Variants in FAM181A observed in about 807,000 individuals in gnomAD.
FAM181A encodes protein FAM181A.
FAM181A carries 7 observed loss-of-function variants against 16.3 expected under a neutral mutation model. That is an observed-to-expected ratio of 0.43 (90% CI 0.24 to 0.81). The LOEUF is 0.81. Among genes scored for constraint, FAM181A ranks in the 30% least tolerant of loss-of-function variants. The pLI is 0.24. For synonymous variants in FAM181A, 183 were observed against 164.9 expected (o/e 1.11, Z -0.84); for missense variants, 349 against 377.5 (o/e 0.92, Z 0.63).
At chr14:93,922,278 G>A (rs552663529) in intron 1 of FAM181A, 1 of 152,220 alleles carries the variant, frequency 6.6e-6, no homozygotes, top group South Asian at 2.1e-4. Context: ...TAACTCACAA[G>A]GTGACACGCT....
chr14:93,921,120 G>A (rs1198536076), intron 1 of FAM181A, among the ~76,000 whole-genome samples: 1 of 152,202 alleles, frequency 6.6e-6, no homozygotes, highest in Non-Finnish European at 1.5e-5. Context: ...GCAGCACAGA[G>A]GTCAAGCATT....
intron 1 of FAM181A, among the ~76,000 whole-genome samples, chr14:93,920,203 C>T (rs557683767): frequency 6.6e-6 from 1 of 152,072 alleles, no homozygotes; most frequent in South Asian, 2.1e-4. Context: ...AGCTTGAGCT[C>T]AGGGGTTTGA....
At chr14:93,919,002 G>A (rs920094906) in intron 1 of FAM181A, 1 of 152,340 alleles carries the variant, frequency 6.6e-6, no homozygotes, top group Non-Finnish European at 1.5e-5. Flanking sequence ...AAGGTGATGG[G>A]TGTGTGGGGG....
At chr14:93,926,620 A>G (rs1054050626), upstream of FAM181A, among the ~76,000 whole-genome samples, 1 of 152,220 alleles carries the variant, frequency 6.6e-6, no homozygotes, top group Non-Finnish European at 1.5e-5. This position sits in a 1 kb window ranked among gnomAD's most constrained non-coding sequence, Gnocchi z 5.2. Flanking sequence ...GTGCAGCTCA[A>G]TTGAGGAAGC....
upstream of FAM181A, among the ~76,000 whole-genome samples, chr14:93,924,175 C>A (rs995378816): frequency 2.0e-5 from 3 of 152,162 alleles, no homozygotes; most frequent in Non-Finnish European, 4.4e-5. Context: ...TTACAAAGGG[C>A]CTTCTGCATT....
At chr14:93,925,154 G>C (rs1887853842), upstream of FAM181A, 2 of 911,070 alleles carry the variant, frequency 2.2e-6, no homozygotes, top group Non-Finnish European at 3.4e-6. Context: ...CTTACTACTG[G>C]CTAAGAAAGG....
upstream of FAM181A, chr14:93,927,106 G>C (rs148988134): frequency 9.5e-3 from 1,910 of 201,662 alleles, 25 homozygotes; most frequent in Non-Finnish European, 0.014. Context: ...AGGGGAGGAG[G>C]GGGGTGGAGG....
At chr14:93,923,450 T>C (rs1193061200), upstream of FAM181A, 1 of 152,262 alleles carries the variant, frequency 6.6e-6, no homozygotes, top group Non-Finnish European at 1.5e-5. Context: ...AAGTAGATGG[T>C]GTCTGTTGAC....
chr14:93,927,541 G>T, intron 1 of FAM181A, 87 bp downstream of exon 1: 1 of 1,284,518 alleles, frequency 7.8e-7, no homozygotes, highest in Non-Finnish European at 1.0e-6. Flanking sequence ...GAGGTGCCGT[G>T]GGTGGCGGCC....
Position 93,928,594 on chromosome 14 carries a change from CT to C in FAM181A, c.310del (p.Tyr104ThrfsTer27). On this transcript the variant is annotated frameshift_variant, in exon 2 of 2. Transcript: ENST00000556222. LOFTEE classifies it high-confidence loss of function. ...GCAAGGAGAAGGTGCTGAGGAACCCCTACAGGGAGGAATGTCTTGCTAAGGA... is the reference window on the plus strand; with the variant it reads ...GCAAGGAGAAGGTGCTGAGGAACCCCACAGGGAGGAATGTCTTGCTAAGGA... ...GCKEKVLRNPYREECLAKEQL... is the reference protein window; with the variant it reads ...GCKEKVLRNPXREECLAKEQL... 6.2e-7 allele frequency: 1 copy of C among 1,613,888 alleles called. No individual in the cohort carries two copies. Among genetic ancestry groups the C allele is most frequent in the Non-Finnish European group, 8.5e-7 (1 of 1,179,964 alleles).
chr14:93,920,528 G>A (rs1222240693), intron 1 of FAM181A, among the ~76,000 whole-genome samples: 1 of 152,128 alleles, frequency 6.6e-6, no homozygotes, highest in Non-Finnish European at 1.5e-5. Flanking sequence ...AATAGTAAAT[G>A]TTATGATGTT....
chr14:93,928,207 G>A lies in FAM181A; in HGVS notation c.-79G>A, dbSNP rs750747760. On this transcript the variant is annotated 5_prime_UTR_variant, in exon 2 of 2. Coordinates refer to ENST00000556222, the MANE Select transcript of FAM181A (RefSeq NM_001207073.2). ...CCTGTTTTGTCCCCCAGGTCAGCTC[G>A]GTGCCCTTCCTTGGAGCTGCCGGCC... The A allele has an allele frequency of 1.1e-5, 17 of 1,612,786 alleles. No individual in the cohort carries two copies. In the Admixed American group the frequency reaches 1.2e-4, roughly 11 times the overall value.
chr14:93,924,033 T>A (rs1305749051), upstream of FAM181A: 1 of 152,024 alleles, frequency 6.6e-6, no homozygotes, highest in Non-Finnish European at 1.5e-5. Flanking sequence ...AGACAAAATT[T>A]AAAAAAATAA....
chr14:93,929,222 A>C lies in FAM181A; in HGVS notation c.*58A>C. On this transcript the variant is annotated 3_prime_UTR_variant, in exon 2 of 2. Transcript: ENST00000556222. ...GCCTGCAGGAGTGTCGAGGTCCCCG[A>C]GGCGCTCTCCTGTGAGGAGGTGGCT... 6.7e-7 allele frequency: 1 copy of C among 1,496,048 alleles called. No homozygotes were observed. Among genetic ancestry groups the C allele is most frequent in the Non-Finnish European group, 8.9e-7 (1 of 1,128,908 alleles). The allele number at this position is 1,496,048 out of a possible 1,614,324, so 92.7% of individuals were successfully genotyped here.
upstream of FAM181A, chr14:93,922,516 C>G (rs1030743776): frequency 1.3e-5 from 2 of 152,156 alleles, no homozygotes; most frequent in Admixed American, 1.3e-4. Context: ...ATGGTGAAAC[C>G]CTGTCTCTAC....
chr14:93,924,498 T>C (rs971803093), upstream of FAM181A, among the ~76,000 whole-genome samples: 17 of 152,344 alleles, frequency 1.1e-4, no homozygotes, highest in East Asian at 3.1e-3. Context: ...CCTGCCTATA[T>C]GGCCAATCAG....
upstream of FAM181A, among the ~76,000 whole-genome samples, chr14:93,926,676 G>A (rs2141255522): frequency 6.6e-6 from 1 of 152,256 alleles, no homozygotes; most frequent in African/African-American, 2.4e-5. This position sits in a 1 kb window ranked among gnomAD's most constrained non-coding sequence, Gnocchi z 5.2. Flanking sequence ...CCTTCCCATG[G>A]ATATCCCAGC....
upstream of FAM181A, chr14:93,925,140 G>T: frequency 1.3e-6 from 1 of 772,344 alleles, no homozygotes; most frequent in Non-Finnish European, 2.1e-6. Flanking sequence ...GCCTGGTGGG[G>T]AGGCTTACTA....
chr14:93,929,185 C>T lies in FAM181A; in HGVS notation c.*21C>T. 1 of 1,508,814 alleles carries T rather than the reference C, an allele frequency of 6.6e-7. No homozygotes were observed. Among genetic ancestry groups the T allele is most frequent in the Non-Finnish European group, 8.8e-7 (1 of 1,132,460 alleles). The allele number at this position is 1,508,814 out of a possible 1,614,324, so 93.5% of individuals were successfully genotyped here. The stretch of plus-strand genomic sequence containing the variant: ...TCTAGCCACGCGGAGAGGGCCTCAG[C>T]CCCCACCTCTGGCCTGCAGGAGTGT... On this transcript the variant is annotated 3_prime_UTR_variant, in exon 2 of 2. Coordinates refer to ENST00000556222, the MANE Select transcript of FAM181A (RefSeq NM_001207073.2).
Sources: gnomAD v4.1 joint callset for allele counts (sites outside exome capture counted in the v4.1 genomes callset) on GRCh38, gnomAD v4.1.1 for gene constraint, Gnocchi (gnomAD v3.1) non-coding constraint, MANE v1.5 for transcripts, NCBI Gene and HGNC (gene_info 2026-07-23, HGNC 2026-07-21) for gene names.